The following GALNTL6 variants were observed in gnomAD, a reference collection of about 807,000 sequenced individuals.
GALNTL6 encodes polypeptide N-acetylgalactosaminyltransferase like 6, also known as polypeptide N-acetylgalactosaminyltransferase-like 6.
A neutral mutation model predicts 73.7 loss-of-function variants in GALNTL6; 46 were observed. The observed-to-expected ratio is 0.62, with a 90% CI of 0.49 to 0.80. The LOEUF is 0.80. Among genes scored for constraint, GALNTL6 ranks in the 30% least tolerant of loss-of-function variants. The pLI, the probability that GALNTL6 is intolerant of heterozygous loss-of-function variation, is 0.00. For synonymous variants in GALNTL6, 259 were observed against 263.7 expected (o/e 0.98, Z 0.17); for missense variants, 604 against 755.0 (o/e 0.80, Z 2.34).
At chr4:172,483,870 AAAAT>A (rs1310983367) in intron 5 of GALNTL6, among the ~76,000 whole-genome samples, 1 of 152,220 alleles carries the variant, frequency 6.6e-6, no homozygotes, top group African/African-American at 2.4e-5. Flanking sequence ...AAGGTGGATG[AAAAT>A]AAATAAATTA....
chr4:171,982,492 G>A (rs1245625573), intron 2 of GALNTL6, among the ~76,000 whole-genome samples: 1 of 152,010 alleles, frequency 6.6e-6, no homozygotes, highest in Non-Finnish European at 1.5e-5. Flanking sequence ...TAGAGACGGG[G>A]TTTCACTGTC....
At position 172,847,199 on chromosome 4, in the gene GALNTL6, C is replaced by T. The variant is rs114150728; in HGVS notation, c.923+33476C>T. On this transcript the variant is annotated intron_variant, in intron 7 of 12. Coordinates refer to ENST00000506823, the MANE Select transcript of GALNTL6 (RefSeq NM_001034845.3). Reference sequence around the variant, plus strand: ...AGAGGTTTGCAATTTCAGGGGTAAACGTGGTGCTGCATCTCCCTTGAAGAC... The same window carrying T: ...AGAGGTTTGCAATTTCAGGGGTAAATGTGGTGCTGCATCTCCCTTGAAGAC... Among the ~76,000 whole-genome samples, 857 of 152,262 alleles carry T rather than the reference C, an allele frequency of 5.6e-3. 10 individuals carry two copies. The highest frequency in any genetic ancestry group is 0.019 in the African/African-American group (806 of 41,562).
At chr4:172,764,342 T>C (rs1333825906) in intron 5 of GALNTL6, among the ~76,000 whole-genome samples, 2 of 152,260 alleles carry the variant, frequency 1.3e-5, no homozygotes, top group African/African-American at 4.8e-5. Context: ...GAAAAACCAT[T>C]TGGAAATATA....
intron 7 of GALNTL6, among the ~76,000 whole-genome samples, chr4:172,814,374 G>A (rs1741484879): frequency 6.6e-6 from 1 of 152,098 alleles, no homozygotes; most frequent in Admixed American, 6.6e-5. Context: ...GACATAAGAA[G>A]TATGCATTTA....
chr4:172,208,309 T>A (rs1736211228), intron 2 of GALNTL6, among the ~76,000 whole-genome samples: 1 of 152,164 alleles, frequency 6.6e-6, no homozygotes, highest in African/African-American at 2.4e-5. Flanking sequence ...AAATATGAAG[T>A]CAGACAATTA....
intron 5 of GALNTL6, among the ~76,000 whole-genome samples, chr4:172,638,790 G>C (rs1477602456): frequency 6.6e-6 from 1 of 151,990 alleles, no homozygotes; most frequent in Non-Finnish European, 1.5e-5. Flanking sequence ...ATTTAATCTA[G>C]GATCCCATAA....
chr4:172,341,007 A>G (rs1741539360), intron 4 of GALNTL6, among the ~76,000 whole-genome samples: 2 of 152,116 alleles, frequency 1.3e-5, no homozygotes, highest in African/African-American at 2.4e-5. Flanking sequence ...TCTTGGCTCC[A>G]TTTTCTTATC....
intron 5 of GALNTL6, among the ~76,000 whole-genome samples, chr4:172,458,645 C>A (rs1732497219): frequency 1.3e-5 from 2 of 152,158 alleles, no homozygotes; most frequent in African/African-American, 2.4e-5. Context: ...TTCCTGGACA[C>A]ATACACCCTC....
chr4:172,845,461 T>C (rs1247342367), intron 7 of GALNTL6, among the ~76,000 whole-genome samples: 1 of 152,106 alleles, frequency 6.6e-6, no homozygotes, highest in Non-Finnish European at 1.5e-5. Flanking sequence ...GGAAGTTGGA[T>C]TCCTGATAAA....
Position 172,234,563 on chromosome 4 carries a change from G to A in GALNTL6, c.247+4799G>A, listed in dbSNP as rs185867184. ...TTTATTAAAAGTTTTTTGTTCATTT[G>A]CATTTATTAACATAGATAAATGTTC... On this transcript the variant is annotated intron_variant, in intron 3 of 12. Coordinates refer to ENST00000506823, the MANE Select transcript of GALNTL6 (RefSeq NM_001034845.3). Among the ~76,000 whole-genome samples the A allele has an allele frequency of 2.2e-3, 338 of 152,060 alleles. 2 individuals carry two copies. Among genetic ancestry groups the A allele is most frequent in the Non-Finnish European group, 3.4e-3 (232 of 67,928 alleles).
At chr4:172,587,898 A>G (rs1003304167) in intron 5 of GALNTL6, among the ~76,000 whole-genome samples, 1 of 152,178 alleles carries the variant, frequency 6.6e-6, no homozygotes, top group African/African-American at 2.4e-5. Context: ...TGGCCATGGC[A>G]TTTATCTTTG....
intron 2 of GALNTL6, among the ~76,000 whole-genome samples, chr4:171,942,433 C>A (rs1024554333): frequency 6.6e-6 from 1 of 151,976 alleles, no homozygotes; most frequent in African/African-American, 2.4e-5. Context: ...AAACAAAAAG[C>A]ACTTTCCATG....
chr4:172,407,141 T>TG, intron 5 of GALNTL6, among the ~76,000 whole-genome samples: 1 of 152,120 alleles, frequency 6.6e-6, no homozygotes, highest in Non-Finnish European at 1.5e-5. Flanking sequence ...ATTCTGCTTT[T>TG]TATATTCGCA....
intron 8 of GALNTL6, among the ~76,000 whole-genome samples, chr4:172,899,583 C>T (rs1720013570): frequency 6.6e-6 from 1 of 152,138 alleles, no homozygotes; most frequent in South Asian, 2.1e-4. Flanking sequence ...ACTACCTTTA[C>T]TTGGTAGTGT....
intron 5 of GALNTL6, among the ~76,000 whole-genome samples, chr4:172,721,676 T>A (rs987918307): frequency 6.6e-6 from 1 of 152,194 alleles, no homozygotes; most frequent in African/African-American, 2.4e-5. Flanking sequence ...AACAGTGGGT[T>A]GTCCTGTATT....
chr4:171,896,729 A>T (rs1047874167), intron 2 of GALNTL6, among the ~76,000 whole-genome samples: 1 of 152,168 alleles, frequency 6.6e-6, no homozygotes, highest in Admixed American at 6.6e-5. Context: ...TCCTAATACC[A>T]TGACCTGGGG....
At chr4:172,406,650 G>A (rs1744247965) in intron 5 of GALNTL6, among the ~76,000 whole-genome samples, 1 of 151,980 alleles carries the variant, frequency 6.6e-6, no homozygotes, top group South Asian at 2.1e-4. Context: ...TAGTGACAGA[G>A]CAGAACTGGA....
intron 2 of GALNTL6, among the ~76,000 whole-genome samples, chr4:171,852,761 T>C (rs1735554723): frequency 6.6e-6 from 1 of 151,532 alleles, no homozygotes; most frequent in South Asian, 2.1e-4. Flanking sequence ...GGATGTATCA[T>C]TTACCTATTA....
At chr4:172,434,636 C>A (rs1731569119) in intron 5 of GALNTL6, among the ~76,000 whole-genome samples, 1 of 152,032 alleles carries the variant, frequency 6.6e-6, no homozygotes, top group African/African-American at 2.4e-5. Context: ...CTTCCTGTTT[C>A]AGCAGACACC....
Sources: allele counts gnomAD v4.1 joint callset (sites outside exome capture counted in the v4.1 genomes callset), GRCh38; gene constraint gnomAD v4.1.1; transcripts MANE v1.5; gene names NCBI Gene and HGNC (gene_info 2026-07-23, HGNC 2026-07-21).